Variants in SMAP1 observed in about 807,000 individuals in gnomAD.
SMAP1 encodes the protein small ArfGAP 1, also known as stromal membrane-associated protein 1.
A neutral mutation model predicts 58.5 loss-of-function variants in SMAP1; 24 were observed. The ratio of observed to expected loss-of-function variants is 0.41; its 90% confidence interval spans 0.30 to 0.58. SMAP1 has a LOEUF of 0.58. Among genes scored for constraint, SMAP1 ranks in the 20% least tolerant of loss-of-function variants. SMAP1 has a pLI of 0.29. For missense variants in SMAP1, 563 were observed against 566.3 expected, an observed-to-expected ratio of 0.99 and a Z score of 0.06; for synonymous variants, 216 against 196.6, an observed-to-expected ratio of 1.10 and a Z score of -0.82.
At chr6:70,753,345 C>T (rs750244389) in intron 2 of SMAP1, among the ~76,000 whole-genome samples, 7 of 152,090 alleles carry the variant, frequency 4.6e-5, no homozygotes, top group Admixed American at 1.3e-4. Flanking sequence ...TTCAAATTTT[C>T]TTACTTTTGC....
intron 1 of SMAP1, among the ~76,000 whole-genome samples, chr6:70,710,835 T>C (rs1248150196): frequency 2.0e-5 from 3 of 152,208 alleles, no homozygotes; most frequent in Non-Finnish European, 4.4e-5. Flanking sequence ...CCTTATTCTA[T>C]AAGCTTTTGT....
chr6:70,734,405 C>G (rs1231689094), intron 2 of SMAP1: 1 of 152,358 alleles, frequency 6.6e-6, no homozygotes, highest in Non-Finnish European at 1.5e-5. Context: ...CTTGGCCCCC[C>G]AAAGTGCTGG....
At chr6:70,831,766 C>G (rs1028987350) in intron 6 of SMAP1, among the ~76,000 whole-genome samples, 1 of 152,096 alleles carries the variant, frequency 6.6e-6, no homozygotes, top group Non-Finnish European at 1.5e-5. Flanking sequence ...AATTTTTATT[C>G]TCTTGGGCAT....
intron 9 of SMAP1, chr6:70,857,613 A>G (rs1771486145): frequency 3.2e-6 from 1 of 313,204 alleles, no homozygotes; most frequent in Non-Finnish European, 6.0e-6. Flanking sequence ...ACAAATCAGC[A>G]ATAAAACAGT....
chr6:70,672,517 CAATTGT>C (rs777197551), intron 1 of SMAP1, among the ~76,000 whole-genome samples: 4 of 152,194 alleles, frequency 2.6e-5, no homozygotes, highest in Non-Finnish European at 5.9e-5. Flanking sequence ...GCACTTATCA[CAATTGT>C]AATTAAACAT....
chr6:70,745,779 C>T (rs1766006965), intron 2 of SMAP1, among the ~76,000 whole-genome samples: 1 of 152,208 alleles, frequency 6.6e-6, no homozygotes, highest in Non-Finnish European at 1.5e-5. Context: ...TGGCCATTTT[C>T]ACGATACTGA....
At chr6:70,718,594 G>A (rs922787840) in intron 1 of SMAP1, among the ~76,000 whole-genome samples, 2 of 152,042 alleles carry the variant, frequency 1.3e-5, no homozygotes, top group Non-Finnish European at 2.9e-5. Flanking sequence ...GGCCAAGGCG[G>A]GTGAATCACA....
At chr6:70,826,803 G>A (rs1394395278) in intron 6 of SMAP1, among the ~76,000 whole-genome samples, 5 of 151,618 alleles carry the variant, frequency 3.3e-5, no homozygotes, top group African/African-American at 7.3e-5. Flanking sequence ...TGTGGTGCAC[G>A]CCTACAGTCC....
chr6:70,679,034 G>GT (rs1307838115), intron 1 of SMAP1, among the ~76,000 whole-genome samples: 55 of 128,812 alleles, frequency 4.3e-4, no homozygotes, highest in African/African-American at 1.5e-3. Flanking sequence ...TTTTTTTTTT[G>GT]TTTTTTTGAG....
At chr6:70,774,840 C>A (rs2149916763) in intron 4 of SMAP1, among the ~76,000 whole-genome samples, 1 of 151,618 alleles carries the variant, frequency 6.6e-6, no homozygotes, top group African/African-American at 2.4e-5. Context: ...TGGTGAAACC[C>A]CGTCTCTACT....
chr6:70,799,535 G>A (rs1320974450), intron 6 of SMAP1, among the ~76,000 whole-genome samples: 2 of 152,166 alleles, frequency 1.3e-5, no homozygotes, highest in African/African-American at 2.4e-5. Context: ...ATCATACTAA[G>A]AGAATTGTCA....
intron 1 of SMAP1, among the ~76,000 whole-genome samples, chr6:70,691,506 A>T (rs1360167483): frequency 6.6e-6 from 1 of 152,056 alleles, no homozygotes; most frequent in African/African-American, 2.4e-5. Flanking sequence ...ATTATTGTTG[A>T]CTGTAATCAC....
At chr6:70,790,678 G>C (rs1278669318) in intron 4 of SMAP1, among the ~76,000 whole-genome samples, 1 of 152,096 alleles carries the variant, frequency 6.6e-6, no homozygotes, top group African/African-American at 2.4e-5. Context: ...TGTGATTCAG[G>C]AATTACTGCC....
At chr6:70,809,212 T>C (rs1769281949) in intron 6 of SMAP1, among the ~76,000 whole-genome samples, 1 of 152,122 alleles carries the variant, frequency 6.6e-6, no homozygotes, top group African/African-American at 2.4e-5. Flanking sequence ...TGATAATACA[T>C]ACTTACCAGC....
chr6:70,778,524 A>G (rs1767633613), intron 4 of SMAP1, among the ~76,000 whole-genome samples: 1 of 152,212 alleles, frequency 6.6e-6, no homozygotes, highest in Admixed American at 6.5e-5. Flanking sequence ...TGATTTGTAT[A>G]TGTTAAACCA....
At chr6:70,793,298 G>T (rs1366204006) in intron 5 of SMAP1, among the ~76,000 whole-genome samples, 1 of 152,186 alleles carries the variant, frequency 6.6e-6, no homozygotes, top group Non-Finnish European at 1.5e-5. Context: ...CTCCCAAAGT[G>T]CTGGGATTAC....
chr6:70,803,743 T>G (rs1315414172), intron 6 of SMAP1, among the ~76,000 whole-genome samples: 3 of 152,242 alleles, frequency 2.0e-5, no homozygotes, highest in African/African-American at 7.2e-5. Context: ...TGCCTTCATT[T>G]CTTTACTCAG....
At position 70,861,008 on chromosome 6, in the gene SMAP1, C is replaced by G. The variant is rs1275888267; in HGVS notation, c.*674C>G. 1.0e-5 allele frequency: 3 copies of G among 288,962 alleles called. No homozygotes were observed. Among genetic ancestry groups the G allele is most frequent in the Non-Finnish European group, 1.3e-5 (2 of 156,384 alleles). The allele number at this position is 288,962 out of a possible 1,614,324, so 17.9% of individuals were successfully genotyped here. ...ATAGTGCTAACATGAAGACCTTTTT[C>G]TGCACTATATGCAAACAGGGTAACT... On this transcript the variant is annotated 3_prime_UTR_variant, in exon 11 of 11. Coordinates refer to ENST00000370455, the MANE Select transcript of SMAP1 (RefSeq NM_001044305.3).
At chr6:70,703,360 C>T (rs1767713693) in intron 1 of SMAP1, among the ~76,000 whole-genome samples, 1 of 152,174 alleles carries the variant, frequency 6.6e-6, no homozygotes, top group Admixed American at 6.5e-5. Flanking sequence ...AGGTGTGAGC[C>T]ACCACGCTCA....
Sources: gnomAD v4.1 joint callset for allele counts (sites outside exome capture counted in the v4.1 genomes callset) on GRCh38, gnomAD v4.1.1 for gene constraint, MANE v1.5 for transcripts, NCBI Gene and HGNC (gene_info 2026-07-23, HGNC 2026-07-21) for gene names.